Variants in STAT5A observed in about 807,000 individuals in gnomAD.
STAT5A encodes the protein signal transducer and activator of transcription 5A.
A neutral mutation model predicts 100.2 loss-of-function variants in STAT5A; 26 were observed. That is an observed-to-expected ratio of 0.26 (90% confidence interval 0.19 to 0.36). The LOEUF (loss-of-function observed/expected upper bound fraction) is 0.36, where lower values mean the gene tolerates loss of function less well. Among genes scored for constraint, STAT5A ranks in the 10% least tolerant of loss-of-function variants. The pLI is 1.00. For synonymous variants in STAT5A, 330 were observed against 424.3 expected, an observed-to-expected ratio of 0.78 and a Z score of 2.73; for missense variants, 634 against 1,027.5, an observed-to-expected ratio of 0.62 and a Z score of 5.24.
At chr17:42,295,851 G>A in intron 5 of STAT5A, 58 bp downstream of exon 5, 1 of 1,587,308 alleles carries the variant, frequency 6.3e-7, no homozygotes, top group Non-Finnish European at 8.6e-7. Context: ...ACATTCTATG[G>A]ACTCCTAGAG....
intron 4 of STAT5A, 119 bp from the exon 5 acceptor site, chr17:42,295,482 TCCTTCTTGCCCTAGTTTC>T: frequency 1.2e-6 from 1 of 866,350 alleles, no homozygotes; most frequent in Non-Finnish European, 1.7e-6. Flanking sequence ...AAATGATCCT[TCCTTCTTGCCCTAGTTTC>T]CCTTCTTACC....
chr17:42,308,525 G>A lies in STAT5A; in HGVS notation c.2062+192G>A, dbSNP rs564190947. The A allele has an allele frequency of 6.6e-5, 46 of 701,408 alleles. No individual in the cohort carries two copies. The highest frequency in any genetic ancestry group is 1.5e-4 in the Admixed American group (5 of 34,398). The allele number at this position is 701,408 out of a possible 1,614,324, so 43.4% of individuals were successfully genotyped here. On this transcript the variant is annotated intron_variant, in intron 16 of 18. Transcript: ENST00000590949. The surrounding 1 kb of genome is among the most constrained non-coding windows in gnomAD (Gnocchi z 4.6). ...AATGAGGAGAGGGAACGAGAAACCC[G>A]TCCCAGCTCTCTTCTCTGCAAAGTG...
chr17:42,302,029 T>G (rs576036181), intron 9 of STAT5A, among the ~76,000 whole-genome samples: 1 of 152,338 alleles, frequency 6.6e-6, no homozygotes. Flanking sequence ...CTGGGCATGG[T>G]GGTGCACGCA....
At chr17:42,301,590 A>G (rs2080979834) in intron 9 of STAT5A, 136 bp downstream of exon 9, 3 of 1,339,076 alleles carry the variant, frequency 2.2e-6, no homozygotes, top group Non-Finnish European at 2.0e-6. Context: ...TCCTGGACTC[A>G]TGCAGTCTTC....
intron 5 of STAT5A, among the ~76,000 whole-genome samples, chr17:42,296,827 C>T (rs970973726): frequency 6.6e-6 from 1 of 152,080 alleles, no homozygotes; most frequent in Non-Finnish European, 1.5e-5. Context: ...TCTATTGTAG[C>T]TATTTAAGCT....
chr17:42,291,837 G>A (rs1362648354), intron 3 of STAT5A, 135 bp from the exon 4 acceptor site: 2 of 795,476 alleles, frequency 2.5e-6, no homozygotes, highest in African/African-American at 1.7e-5. Context: ...ATATAGAGGT[G>A]TCTGGGGATA....
At chr17:42,288,203 T>TC (rs2080831152), upstream of STAT5A, 2 of 151,896 alleles carry the variant, frequency 1.3e-5, no homozygotes. The surrounding 1 kb of genome is among the most constrained non-coding windows in gnomAD (Gnocchi z 4.8). Flanking sequence ...ACAACCACAT[T>TC]CCCCCGGCTA....
At position 42,294,022 on chromosome 17, in the gene STAT5A, C is replaced by T. The variant is rs180683863; in HGVS notation, c.376-1597C>T. On this transcript the variant is annotated intron_variant, in intron 4 of 18. Coordinates refer to ENST00000590949, the MANE Select transcript of STAT5A (RefSeq NM_001288718.2). ...CTGACGTCAGAAGTTCGAGACCAGC[C>T]TGGCCAACATGGTGAAACCCAGTCT... 1.4e-4 allele frequency among the ~76,000 whole-genome samples: 22 copies of T among 152,238 alleles called. No individual in the cohort carries two copies. The East Asian group carries it at 4.0e-3, about 28-fold the overall frequency.
chr17:42,304,678 C>A lies in STAT5A; in HGVS notation c.1380+26C>A, dbSNP rs775554371. 5 of 1,612,710 alleles carry A rather than the reference C, an allele frequency of 3.1e-6. No homozygotes were observed. The South Asian group carries it at 4.4e-5, about 14-fold the overall frequency. On this transcript the variant is annotated intron_variant, in intron 11 of 18. Coordinates refer to ENST00000590949, the MANE Select transcript of STAT5A (RefSeq NM_001288718.2). The surrounding 1 kb of genome is among the most constrained non-coding windows in gnomAD (Gnocchi z 4.8). ...GTGAGACCCCCAGCCCTCCTGCCCCCACTGCTCCAGGTCACCCAAGAGGTG... is the reference window on the plus strand; with the variant it reads ...GTGAGACCCCCAGCCCTCCTGCCCCAACTGCTCCAGGTCACCCAAGAGGTG...
chr17:42,303,696 G>A (rs544576653), intron 9 of STAT5A, among the ~76,000 whole-genome samples: 2 of 151,892 alleles, frequency 1.3e-5, no homozygotes, highest in African/African-American at 2.4e-5. Flanking sequence ...GGCAAAAAGA[G>A]CAAAGCTCTG....
intron 5 of STAT5A, among the ~76,000 whole-genome samples, chr17:42,298,987 G>C (rs752611814): frequency 5.3e-5 from 8 of 151,766 alleles, no homozygotes; most frequent in Non-Finnish European, 1.2e-4. Context: ...GTCTCCCCTG[G>C]TTGGTCGGCT....
chr17:42,307,197 C>G (rs1266491206), intron 13 of STAT5A, among the ~76,000 whole-genome samples: 1 of 152,170 alleles, frequency 6.6e-6, no homozygotes, highest in African/African-American at 2.4e-5. Flanking sequence ...TGGTCTTGGA[C>G]CCCTGTGTCT....
Position 42,288,805 on chromosome 17 carries a change from C to T in STAT5A, c.-11+207C>T, listed in dbSNP as rs1199043173. ...GATGAAAGGCAGAGGCCAGGGAGGG[C>T]GCCGTCCTGGCACGCCTCGGAGAGG... On this transcript the variant is annotated intron_variant, in intron 1 of 18. Coordinates refer to ENST00000590949, the MANE Select transcript of STAT5A (RefSeq NM_001288718.2). The surrounding 1 kb of genome is among the most constrained non-coding windows in gnomAD (Gnocchi z 4.8). Among the ~76,000 whole-genome samples, 1 of 152,114 alleles carries T rather than the reference C, an allele frequency of 6.6e-6. No individual in the cohort carries two copies. The highest frequency in any genetic ancestry group is 1.9e-4 in the East Asian group (1 of 5,178).
At chr17:42,301,665 T>C (rs2080980749) in intron 9 of STAT5A, among the ~76,000 whole-genome samples, 1 of 152,194 alleles carries the variant, frequency 6.6e-6, no homozygotes, top group Non-Finnish European at 1.5e-5. Context: ...CGAGTATCCG[T>C]TCTTTACCCT....
intron 13 of STAT5A, 90 bp from the exon 14 acceptor site, chr17:42,307,312 A>C: frequency 7.6e-7 from 1 of 1,312,228 alleles, no homozygotes. Flanking sequence ...AACTGGGAGA[A>C]GACTGGGTGG....
At position 42,292,070 on chromosome 17, in the gene STAT5A, C is replaced by T. The variant is rs1202325080; in HGVS notation, c.375+9C>T. ...TCCGAGAAGCCAACAATGTGAGTGT[C>T]CCTTGGGGATGGGGAGGAGTGTTGA... On this transcript the variant is annotated intron_variant, in intron 4 of 18. Transcript: ENST00000590949. 2 of 1,613,558 alleles carry T rather than the reference C, an allele frequency of 1.2e-6. No homozygotes were observed. The highest frequency in any genetic ancestry group is 2.7e-5 in the African/African-American group (2 of 74,894).
Position 42,308,545 on chromosome 17 carries a change from A to G in STAT5A, c.2062+212A>G. 1 of 645,044 alleles carries G rather than the reference A, an allele frequency of 1.6e-6. No individual in the cohort carries two copies. Among genetic ancestry groups the G allele is most frequent in the Non-Finnish European group, 2.6e-6 (1 of 382,352 alleles). 40.0% of individuals were successfully genotyped at this position (645,044 alleles called of 1,614,324 possible). A position where few individuals can be genotyped will look rare whatever the true frequency, so the allele number is the denominator to read the frequency against. Reference sequence around the variant, plus strand: ...AACCCGTCCCAGCTCTCTTCTCTGCAAAGTGAAAGCTGCATGGATTCTCAC... The same window carrying G: ...AACCCGTCCCAGCTCTCTTCTCTGCGAAGTGAAAGCTGCATGGATTCTCAC... On this transcript the variant is annotated intron_variant, in intron 16 of 18. Coordinates refer to ENST00000590949, the MANE Select transcript of STAT5A (RefSeq NM_001288718.2). The surrounding 1 kb of genome is among the most constrained non-coding windows in gnomAD (Gnocchi z 4.6).
chr17:42,295,899 G>T (rs967501156), intron 5 of STAT5A, 106 bp downstream of exon 5: 2 of 1,511,974 alleles, frequency 1.3e-6, no homozygotes, highest in South Asian at 1.2e-5. Context: ...TCAGCACTTT[G>T]CCCAAAGCCT....
chr17:42,311,211 T>G lies in STAT5A; in HGVS notation c.*542T>G, dbSNP rs898454082. On this transcript the variant is annotated 3_prime_UTR_variant, in exon 19 of 19. Transcript: ENST00000590949. The stretch of plus-strand genomic sequence containing the variant: ...TCAGAAGGGAGGCTGGGGTTCATTT[T>G]CGAGTAGTATTTTATACTTTAGTGA... 4 of 163,890 alleles carry G rather than the reference T, an allele frequency of 2.4e-5. No individual in the cohort carries two copies. The highest frequency in any genetic ancestry group is 5.4e-5 in the Non-Finnish European group (4 of 73,626). The allele number at this position is 163,890 out of a possible 1,614,324, so 10.2% of individuals were successfully genotyped here. A position where few individuals can be genotyped will look rare whatever the true frequency, so the allele number is the denominator to read the frequency against.
Sources: gnomAD v4.1 joint callset for allele counts (sites outside exome capture counted in the v4.1 genomes callset) on GRCh38, gnomAD v4.1.1 for gene constraint, Gnocchi (gnomAD v3.1) non-coding constraint, MANE v1.5 for transcripts, NCBI Gene and HGNC (gene_info 2026-07-23, HGNC 2026-07-21) for gene names.